The following FOXP2 variants were observed in gnomAD, a reference collection of about 807,000 sequenced individuals.
FOXP2 encodes the protein forkhead box P2, also known as forkhead box protein P2.
FOXP2 carries 12 observed loss-of-function variants against 115.8 expected under a neutral mutation model. The observed-to-expected ratio is 0.10, with a 90% CI of 0.07 to 0.17. The LOEUF is 0.17. FOXP2 is among the 10% of genes least tolerant of loss of function. FOXP2 has a pLI of 1.00. For missense variants in FOXP2, 629 were observed against 843.5 expected (o/e 0.75, Z 3.15); for synonymous variants, 328 against 297.7 (o/e 1.10, Z -1.05).
At chr7:114,517,968 CT>C (rs566210840) in intron 2 of FOXP2, among the ~76,000 whole-genome samples, 21 of 152,072 alleles carry the variant, frequency 1.4e-4, no homozygotes, top group Non-Finnish European at 2.6e-4. Context: ...CATGGGATAT[CT>C]GTCAATTTGT....
intron 2 of FOXP2, among the ~76,000 whole-genome samples, chr7:114,289,014 C>A (rs1018268546): frequency 6.6e-6 from 1 of 151,784 alleles, no homozygotes; most frequent in East Asian, 1.9e-4. Flanking sequence ...ACCTAAATTT[C>A]TCTAGCAATT....
chr7:114,365,141 A>G (rs902263911), intron 2 of FOXP2, among the ~76,000 whole-genome samples: 1 of 152,130 alleles, frequency 6.6e-6, no homozygotes, highest in African/African-American at 2.4e-5. Context: ...CATGACTTAT[A>G]TTTAAAAATT....
intron 1 of FOXP2, among the ~76,000 whole-genome samples, chr7:114,171,413 A>T (rs1420605902): frequency 6.6e-6 from 1 of 152,040 alleles, no homozygotes; most frequent in Non-Finnish European, 1.5e-5. Context: ...TCTCTGCAAA[A>T]AATTAAAAAA....
chr7:114,248,159 AC>A (rs970652561), intron 1 of FOXP2, among the ~76,000 whole-genome samples: 1 of 150,810 alleles, frequency 6.6e-6, no homozygotes, highest in African/African-American at 2.4e-5. Context: ...GCAGGAGAAG[AC>A]CAGTGTCCCA....
At position 114,373,088 on chromosome 7, in the gene FOXP2, G is replaced by A. The variant is rs192561297; in HGVS notation, c.-10-53414G>A. Among the ~76,000 whole-genome samples the A allele has an allele frequency of 3.4e-3, 524 of 151,958 alleles. 1 individual carries two copies. Among genetic ancestry groups the A allele is most frequent in the South Asian group, 0.012 (56 of 4,820 alleles). ...GCTCACTGCAAGCTCCACCTCCCAT[G>A]TTCACGCCATTCTCCTGCCTCAGCC... On this transcript the variant is annotated intron_variant, in intron 2 of 17. Transcript: ENST00000634411.
At chr7:114,146,873 C>G (rs1267560023) in intron 1 of FOXP2, among the ~76,000 whole-genome samples, 1 of 152,154 alleles carries the variant, frequency 6.6e-6, no homozygotes, top group East Asian at 1.9e-4. Context: ...AGTCCAACAT[C>G]CAGCTTGACA....
At chr7:114,200,372 CA>C (rs1794028733) in intron 1 of FOXP2, among the ~76,000 whole-genome samples, 1 of 152,070 alleles carries the variant, frequency 6.6e-6, no homozygotes, top group Non-Finnish European at 1.5e-5. Flanking sequence ...GCAATTTATC[CA>C]AAGTTATTCT....
chr7:114,431,173 T>A (rs538865863), intron 2 of FOXP2, among the ~76,000 whole-genome samples: 13 of 152,012 alleles, frequency 8.6e-5, no homozygotes, highest in Non-Finnish European at 1.6e-4. Flanking sequence ...GCTAATGAGG[T>A]CGAATGGTTG....
At chr7:114,118,779 A>G (rs1791478166) in intron 1 of FOXP2, among the ~76,000 whole-genome samples, 1 of 152,010 alleles carries the variant, frequency 6.6e-6, no homozygotes, top group African/African-American at 2.4e-5. Flanking sequence ...AGATTATTTC[A>G]CTCTCTCATA....
intron 1 of FOXP2, among the ~76,000 whole-genome samples, chr7:114,190,339 G>T (rs6973884): frequency 3.1e-3 from 473 of 152,170 alleles, no homozygotes; most frequent in Admixed American, 4.9e-3. Flanking sequence ...ATTAACTGAG[G>T]GCCTGAATAG....
chr7:114,679,276 T>C (rs1354243454), intron 16 of FOXP2, among the ~76,000 whole-genome samples: 2 of 152,176 alleles, frequency 1.3e-5, no homozygotes, highest in African/African-American at 4.8e-5. Flanking sequence ...ACATTGTAAA[T>C]TTAAAAGTAG....
At chr7:114,413,920 G>T (rs1433999156), upstream of FOXP2, among the ~76,000 whole-genome samples, 2 of 152,082 alleles carry the variant, frequency 1.3e-5, no homozygotes, top group East Asian at 3.9e-4. Flanking sequence ...TGCTGTTAAA[G>T]CTTGTCCACT....
intron 2 of FOXP2, among the ~76,000 whole-genome samples, chr7:114,399,299 G>T (rs1431154216): frequency 1.3e-5 from 2 of 151,696 alleles, no homozygotes; most frequent in Non-Finnish European, 2.9e-5. Context: ...GTAGAGACAG[G>T]GTTTCACCAT....
chr7:114,438,850 T>C (rs1035687082), intron 2 of FOXP2, among the ~76,000 whole-genome samples: 3 of 152,164 alleles, frequency 2.0e-5, no homozygotes, highest in African/African-American at 7.2e-5. Context: ...AACAAACCCA[T>C]TGTAGCCTAG....
At chr7:114,341,827 C>A (rs1459739754) in intron 2 of FOXP2, among the ~76,000 whole-genome samples, 5 of 151,266 alleles carry the variant, frequency 3.3e-5, no homozygotes, top group African/African-American at 1.2e-4. Flanking sequence ...AACTTCCAGG[C>A]CAAAATGACA....
At chr7:114,570,786 G>C in intron 3 of FOXP2, 1 of 1,603,040 alleles carries the variant, frequency 6.2e-7, no homozygotes, top group Admixed American at 1.7e-5. Context: ...GCCAACTCCT[G>C]ATTCTCTTTG....
At chr7:114,148,773 T>C (rs1242784149) in intron 1 of FOXP2, among the ~76,000 whole-genome samples, 1 of 152,188 alleles carries the variant, frequency 6.6e-6, no homozygotes, top group African/African-American at 2.4e-5. Context: ...TATGTTCCTT[T>C]TTCTTCATCA....
intron 2 of FOXP2, among the ~76,000 whole-genome samples, chr7:114,318,273 C>T (rs1797321194): frequency 6.6e-6 from 1 of 151,714 alleles, no homozygotes; most frequent in African/African-American, 2.4e-5. Context: ...GGATCTAGAC[C>T]CATTTAAATC....
intron 1 of FOXP2, among the ~76,000 whole-genome samples, chr7:114,102,311 A>G (rs1271776787): frequency 6.6e-6 from 1 of 151,970 alleles, no homozygotes; most frequent in Non-Finnish European, 1.5e-5. Flanking sequence ...CCAAACCATT[A>G]TTGATTTTAG....
Sources: gnomAD v4.1 joint callset for allele counts (sites outside exome capture counted in the v4.1 genomes callset) on GRCh38, gnomAD v4.1.1 for gene constraint, MANE v1.5 for transcripts, NCBI Gene and HGNC (gene_info 2026-07-23, HGNC 2026-07-21) for gene names.